The following RASGEF1C variants were observed in gnomAD, a reference collection of about 807,000 sequenced individuals.
The protein encoded by RASGEF1C is ras-GEF domain-containing family member 1C.
RASGEF1C carries 27 observed loss-of-function variants against 58.1 expected under a neutral mutation model. That is an observed-to-expected ratio of 0.46 (90% CI 0.34 to 0.64). RASGEF1C has a LOEUF of 0.64. Among genes scored for constraint, RASGEF1C ranks in the 30% least tolerant of loss-of-function variants. The pLI, the probability that RASGEF1C is intolerant of heterozygous loss-of-function variation, is 0.01. For missense variants in RASGEF1C, 502 were observed against 605.1 expected, an observed-to-expected ratio of 0.83 and a Z score of 1.79; for synonymous variants, 243 against 246.3, an observed-to-expected ratio of 0.99 and a Z score of 0.13.
At chr5:180,191,277 C>T (rs1352582989) in intron 1 of RASGEF1C, among the ~76,000 whole-genome samples, 1 of 152,216 alleles carries the variant, frequency 6.6e-6, no homozygotes, top group East Asian at 1.9e-4. Context: ...CCTGGCCATT[C>T]CACTGGTAGG....
At chr5:180,186,300 A>G (rs1326619057) in intron 1 of RASGEF1C, among the ~76,000 whole-genome samples, 3 of 152,136 alleles carry the variant, frequency 2.0e-5, no homozygotes, top group Non-Finnish European at 2.9e-5. Context: ...TCCACAAAGA[A>G]ACTATTAGAG....
intron 1 of RASGEF1C, among the ~76,000 whole-genome samples, chr5:180,188,762 C>G (rs896558781): frequency 6.6e-6 from 1 of 152,102 alleles, no homozygotes; most frequent in African/African-American, 2.4e-5. Context: ...GCTTGGGGTA[C>G]GAATGATCCT....
chr5:180,132,970 A>G (rs111335778), intron 4 of RASGEF1C, among the ~76,000 whole-genome samples: 3,023 of 51,610 alleles, frequency 0.059, 56 homozygotes, highest in Middle Eastern at 0.14. Flanking sequence ...TCCGTCTCAG[A>G]AAAAAAAAAA....
rs894230863 is a variant in RASGEF1C at position 180,137,998 on chromosome 5, G to A, written c.55C>T (p.Pro19Ser). ...TCGCCATCTGTGGGCTCGGTGGGGGGTGGGCTGAGGCTGCCTGGGGTGACC... is the reference window on the plus strand; with the variant it reads ...TCGCCATCTGTGGGCTCGGTGGGGGATGGGCTGAGGCTGCCTGGGGTGACC... Reference protein sequence around the residue: ...DMVTPGSLSPPPTEPTDGEQA... With the variant: ...DMVTPGSLSPSPTEPTDGEQA... The change falls in exon 2 of 14, where the codon CCC (proline) becomes TCC (serine). Residue 19 changes from proline to serine, a missense_variant. Coordinates refer to ENST00000361132, the MANE Select transcript of RASGEF1C (RefSeq NM_175062.4). This position sits in a 1 kb window ranked among gnomAD's most constrained non-coding sequence, Gnocchi z 4.1. 1.3e-6 allele frequency: 2 copies of A among 1,578,288 alleles called. No homozygotes were observed. The highest frequency in any genetic ancestry group is 2.7e-5 in the African/African-American group (2 of 72,870).
At chr5:180,118,085 G>C (rs531434781) in intron 10 of RASGEF1C, among the ~76,000 whole-genome samples, 2 of 152,110 alleles carry the variant, frequency 1.3e-5, no homozygotes, top group Non-Finnish European at 2.9e-5. Flanking sequence ...ATGTAAATGT[G>C]ATCTGAGGCC....
chr5:180,138,498 C>T (rs961504924), intron 1 of RASGEF1C: 6 of 156,282 alleles, frequency 3.8e-5, no homozygotes, highest in African/African-American at 1.4e-4. Flanking sequence ...CACTTGGAGG[C>T]TTTCTTTCCC....
At chr5:180,151,725 A>C (rs1198328857) in intron 1 of RASGEF1C, among the ~76,000 whole-genome samples, 1 of 151,990 alleles carries the variant, frequency 6.6e-6, no homozygotes, top group Non-Finnish European at 1.5e-5. Flanking sequence ...AATGGGATCT[A>C]ATTAAACTAA....
chr5:180,103,265 G>C lies in RASGEF1C; in HGVS notation c.1304-1122C>G, dbSNP rs573999133. 6.2e-3 allele frequency among the ~76,000 whole-genome samples: 942 copies of C among 152,214 alleles called. 6 individuals carry two copies. The highest frequency in any genetic ancestry group is 0.01 in the Non-Finnish European group (688 of 68,014). On this transcript the variant is annotated intron_variant, in intron 12 of 13. Coordinates refer to ENST00000361132, the MANE Select transcript of RASGEF1C (RefSeq NM_175062.4). ...GCTAATGTTTTGTATTTTTAGTAGA[G>C]ATGGGGTTTCACCGTGTTAGCCAGG...
chr5:180,207,647 T>C (rs953548486), intron 1 of RASGEF1C, among the ~76,000 whole-genome samples: 56 of 152,230 alleles, frequency 3.7e-4, no homozygotes, highest in African/African-American at 1.3e-3. Flanking sequence ...CTCCCTCTCC[T>C]GCCCCGGCAG....
chr5:180,142,963 C>T lies in RASGEF1C; in HGVS notation c.-6-4905G>A, dbSNP rs1766604750. On this transcript the variant is annotated intron_variant, in intron 1 of 13. Transcript: ENST00000361132. ...AATGCCTGGCTCTGGCACACAGCCC[C>T]AAGTGGCTGAGGCATGAGCTTCTGC... Among the ~76,000 whole-genome samples, 3 of 152,070 alleles carry T rather than the reference C, an allele frequency of 2.0e-5. No individual in the cohort carries two copies. In the South Asian group the frequency reaches 6.2e-4, roughly 32 times the overall value.
intron 7 of RASGEF1C, 107 bp from the exon 8 acceptor site, chr5:180,119,555 A>C: frequency 1.3e-6 from 1 of 796,908 alleles, no homozygotes; most frequent in Non-Finnish European, 2.1e-6. Context: ...CCCATTGCAC[A>C]GCTGAGGCAC....
intron 1 of RASGEF1C, among the ~76,000 whole-genome samples, chr5:180,181,697 G>T (rs894499199): frequency 2.0e-5 from 3 of 152,216 alleles, no homozygotes; most frequent in African/African-American, 4.8e-5. Flanking sequence ...ATGAGCCCCT[G>T]ATCCAGAACT....
At position 180,177,451 on chromosome 5, in the gene RASGEF1C, C is replaced by T. The variant is rs956403348; in HGVS notation, c.-7+31577G>A. On this transcript the variant is annotated intron_variant, in intron 1 of 13. Transcript: ENST00000361132. The surrounding 1 kb of genome is among the most constrained non-coding windows in gnomAD (Gnocchi z 5.0). ...TGCCCGGCTGGGCCGCAGCAGTCCA[C>T]GGGCAGGGCAGAGCCCCGGGCTTCC... 4.6e-5 allele frequency among the ~76,000 whole-genome samples: 7 copies of T among 152,258 alleles called. No individual in the cohort carries two copies. The highest frequency in any genetic ancestry group is 8.8e-5 in the Non-Finnish European group (6 of 68,046).
rs1766842035 is a variant in RASGEF1C at position 180,155,960 on chromosome 5, A to G, written c.-6-17902T>C. On this transcript the variant is annotated intron_variant, in intron 1 of 13. Transcript: ENST00000361132. The surrounding 1 kb of genome is among the most constrained non-coding windows in gnomAD (Gnocchi z 5.2). Reference sequence around the variant, plus strand: ...AGTGACCAGGTTATCCAATTAGAGCAAAGCCTGGGCTTTGCTTCGAGACAA... The same window carrying G: ...AGTGACCAGGTTATCCAATTAGAGCGAAGCCTGGGCTTTGCTTCGAGACAA... 6.6e-6 allele frequency among the ~76,000 whole-genome samples: 1 copy of G among 152,178 alleles called. No individual in the cohort carries two copies. The highest frequency in any genetic ancestry group is 1.5e-5 in the Non-Finnish European group (1 of 68,040).
At chr5:180,113,601 G>A (rs1766008767) in intron 11 of RASGEF1C, among the ~76,000 whole-genome samples, 1 of 93,716 alleles carries the variant, frequency 1.1e-5, no homozygotes, top group African/African-American at 4.7e-5. Context: ...GGGGATGGAC[G>A]GAGGGATCGG....
At position 180,136,535 on chromosome 5, in the gene RASGEF1C, A is replaced by ACCGCGCTCGTGAGGGGCG. The variant is rs1426443636; in HGVS notation, c.301-38_301-21dup. 6.4e-7 allele frequency: 1 copy of ACCGCGCTCGTGAGGGGCG among 1,564,418 alleles called. No homozygotes were observed. Among genetic ancestry groups the ACCGCGCTCGTGAGGGGCG allele is most frequent in the East Asian group, 2.3e-5 (1 of 42,650 alleles). Reference sequence around the variant, plus strand: ...CCGGGCCTACGGGCAAGCGAGGGGCACCGCGCTCGTGAGGGGCGCCGGGTG... The same window carrying ACCGCGCTCGTGAGGGGCG: ...CCGGGCCTACGGGCAAGCGAGGGGCACCGCGCTCGTGAGGGGCGCCGCGCTCGTGAGGGGCGCCGGGTG... On this transcript the variant is annotated intron_variant, in intron 3 of 13. Coordinates refer to ENST00000361132, the MANE Select transcript of RASGEF1C (RefSeq NM_175062.4).
chr5:180,184,734 T>C (rs767539508), intron 1 of RASGEF1C, among the ~76,000 whole-genome samples: 10 of 152,188 alleles, frequency 6.6e-5, no homozygotes, highest in Non-Finnish European at 1.3e-4. Flanking sequence ...GAAAGAGAGC[T>C]GGTATGTCTA....
rs760833860 is a variant in RASGEF1C, at chr5:180,137,066, G to T, written c.300+524C>A. Among the ~76,000 whole-genome samples the T allele has an allele frequency of 9.2e-5, 14 of 152,330 alleles. No individual in the cohort carries two copies. Among genetic ancestry groups the T allele is most frequent in the Admixed American group, 7.2e-4 (11 of 15,300 alleles). ...GCCCCGGGAAGCGGCAGCAGAGGGC[G>T]GGAGGGAGACAGGCCACGGTGCAGT... On this transcript the variant is annotated intron_variant, in intron 3 of 13. Transcript: ENST00000361132. The surrounding 1 kb of genome is among the most constrained non-coding windows in gnomAD (Gnocchi z 4.1).
Position 180,177,348 on chromosome 5 carries a change from T to C in RASGEF1C, c.-7+31680A>G, listed in dbSNP as rs1767248129. 6.6e-6 allele frequency among the ~76,000 whole-genome samples: 1 copy of C among 152,132 alleles called. No homozygotes were observed. Among genetic ancestry groups the C allele is most frequent in the Non-Finnish European group, 1.5e-5 (1 of 68,022 alleles). On this transcript the variant is annotated intron_variant, in intron 1 of 13. Transcript: ENST00000361132. The surrounding 1 kb of genome is among the most constrained non-coding windows in gnomAD (Gnocchi z 5.0). ...CAGCAGCTTCCCCAAAGACACAGGC[T>C]GTTCATCGGCTCCATTTTTAACCTT...
Sources: gnomAD v4.1 joint callset for allele counts (sites outside exome capture counted in the v4.1 genomes callset) on GRCh38, gnomAD v4.1.1 for gene constraint, Gnocchi (gnomAD v3.1) non-coding constraint, MANE v1.5 for transcripts, NCBI Gene and HGNC (gene_info 2026-07-23, HGNC 2026-07-21) for gene names.